GAR1: variants seen among roughly 807,000 people sequenced by gnomAD.
GAR1 encodes the protein H/ACA ribonucleoprotein complex subunit 1.
GAR1 carries 11 observed loss-of-function variants against 29.3 expected under a neutral mutation model. The observed-to-expected ratio is 0.38, with a 90% confidence interval of 0.24 to 0.62. The LOEUF (loss-of-function observed/expected upper bound fraction) is 0.62. Ranked by LOEUF, GAR1 falls within the 20% of genes least tolerant of loss-of-function variation. GAR1 has a pLI of 0.62. For synonymous variants in GAR1, 87 were observed against 93.3 expected (o/e 0.93, Z 0.39); for missense variants, 237 against 268.4 (o/e 0.88, Z 0.82).
intron 4 of GAR1, among the ~76,000 whole-genome samples, chr4:109,820,422 G>A (rs368481049): frequency 6.6e-6 from 1 of 152,060 alleles, no homozygotes; most frequent in Non-Finnish European, 1.5e-5. Context: ...GTCTAGACTG[G>A]AAATAGAATT....
chr4:109,824,353 T>C, intron 6 of GAR1, 65 bp from the exon 7 acceptor site: 1 of 1,072,566 alleles, frequency 9.3e-7, no homozygotes, highest in Non-Finnish European at 1.4e-6. Context: ...ACTTGAGATT[T>C]AGGTTATAAT....
intron 2 of GAR1, among the ~76,000 whole-genome samples, chr4:109,817,568 T>A (rs1279869133): frequency 1.3e-5 from 2 of 152,216 alleles, no homozygotes; most frequent in Non-Finnish European, 2.9e-5. Context: ...TAAGTTGTAA[T>A]AACATAACTG....
chr4:109,815,737 A>G (rs1733328582), upstream of GAR1: 3 of 180,522 alleles, frequency 1.7e-5, no homozygotes, highest in South Asian at 3.6e-4. Flanking sequence ...AGGAGGTTCC[A>G]GCGCGGCGGA....
chr4:109,817,818 C>G, intron 2 of GAR1, 118 bp from the exon 3 acceptor site: 1 of 729,826 alleles, frequency 1.4e-6, no homozygotes, highest in Non-Finnish European at 2.3e-6. Flanking sequence ...GGTCTTCTGC[C>G]TCAGAGGAGA....
intron 2 of GAR1, 97 bp from the exon 3 acceptor site, chr4:109,817,839 T>A (rs1177120575): frequency 3.2e-6 from 3 of 930,942 alleles, no homozygotes; most frequent in Non-Finnish European, 5.0e-6. Context: ...GCAGTTATGG[T>A]GAAGTCCCAG....
In GAR1 at chr4:109,819,042, CT is replaced by C; in HGVS notation, c.414del (p.Phe138LeufsTer9). ...KLSENMKASS[F>X]KKLQKFYIDP... ...TGTCAGAAAACATGAAGGCTTCATC[CT>C]TTAAAAAACTACAGAAGGTGAGTCA... On this transcript the variant is annotated frameshift_variant, in exon 4 of 7. Coordinates refer to ENST00000226796, the MANE Select transcript of GAR1 (RefSeq NM_018983.4). LOFTEE classifies it high-confidence loss of function. 1 of 1,494,622 alleles carries C rather than the reference CT, an allele frequency of 6.7e-7. No homozygotes were observed. Among genetic ancestry groups the C allele is most frequent in the Non-Finnish European group, 9.3e-7 (1 of 1,073,452 alleles). The allele number at this position is 1,494,622 out of a possible 1,614,324, so 92.6% of individuals were successfully genotyped here. A position where few individuals can be genotyped will look rare whatever the true frequency, so the allele number is the denominator to read the frequency against.
At chr4:109,822,678 T>C (rs1407105775) in intron 5 of GAR1, 190 bp downstream of exon 5, 1 of 512,058 alleles carries the variant, frequency 2.0e-6, no homozygotes, top group Non-Finnish European at 3.2e-6. Flanking sequence ...AAGAAGAAAA[T>C]CTACTAAAGT....
At chr4:109,817,898 A>G (rs1733397389) in intron 2 of GAR1, 38 bp from the exon 3 acceptor site, 4 of 1,555,484 alleles carry the variant, frequency 2.6e-6, no homozygotes, top group African/African-American at 1.4e-5. Flanking sequence ...ATCGTTTGAA[A>G]TAGTTCTATG....
chr4:109,817,225 T>C (rs1733378998), intron 2 of GAR1, among the ~76,000 whole-genome samples: 1 of 152,044 alleles, frequency 6.6e-6, no homozygotes. Flanking sequence ...AAGGGTTAGA[T>C]AGGAGAGAGA....
intron 1 of GAR1, 140 bp from the exon 2 acceptor site, chr4:109,816,013 G>A: frequency 2.5e-6 from 2 of 811,196 alleles, no homozygotes; most frequent in East Asian, 4.8e-5. Context: ...CAGGTTGGTG[G>A]TCACTGGCTG....
Position 109,816,469 on chromosome 4 carries a change from C to A in GAR1, c.214+91C>A, listed in dbSNP as rs1176955167. ...GGCAGCAAGTTTGGGATACACAAGCCTGTGTGGAGAATGTAGCATGTAAGG... is the reference window on the plus strand; with the variant it reads ...GGCAGCAAGTTTGGGATACACAAGCATGTGTGGAGAATGTAGCATGTAAGG... On this transcript the variant is annotated intron_variant, in intron 2 of 6. Coordinates refer to ENST00000226796, the MANE Select transcript of GAR1 (RefSeq NM_018983.4). The A allele has an allele frequency of 2.1e-5, 25 of 1,199,528 alleles. No individual in the cohort carries two copies. In the East Asian group the frequency reaches 5.6e-4, roughly 27 times the overall value. The allele number at this position is 1,199,528 out of a possible 1,614,324, so 74.3% of individuals were successfully genotyped here.
intron 1 of GAR1, 27 bp downstream of exon 1, chr4:109,815,831 T>A: frequency 9.4e-6 from 3 of 319,856 alleles, no homozygotes; most frequent in Non-Finnish European, 1.7e-5. Context: ...GCCGGAGGAT[T>A]TGAAAATGCT....
At chr4:109,823,109 G>C (rs530140661) in intron 5 of GAR1, among the ~76,000 whole-genome samples, 1 of 152,252 alleles carries the variant, frequency 6.6e-6, no homozygotes, top group African/African-American at 2.4e-5. Flanking sequence ...TTCCCCTAAG[G>C]TTTGGGCACA....
chr4:109,822,702 ACTT>A (rs1378415368), intron 5 of GAR1: 2 of 415,820 alleles, frequency 4.8e-6, no homozygotes, highest in Non-Finnish European at 8.3e-6. Context: ...CTTTTGAGGG[ACTT>A]CATTTCTTTG....
upstream of GAR1, chr4:109,815,537 C>T (rs1008531564): frequency 5.9e-5 from 9 of 153,644 alleles, no homozygotes; most frequent in Admixed American, 5.8e-4. Context: ...TTCCACGGCT[C>T]AGCGTCAGGC....
chr4:109,816,385 A>G lies in GAR1; in HGVS notation c.214+7A>G, dbSNP rs1198505692. On this transcript the variant is annotated splice_region_variant and intron_variant, in intron 2 of 6. Coordinates refer to ENST00000226796, the MANE Select transcript of GAR1 (RefSeq NM_018983.4). ...CCTCCAGAACGTGTAGTCTGTATGC[A>G]GTCTTCAGTATTTAGCTTATTTGAA... 1.2e-6 allele frequency: 2 copies of G among 1,612,630 alleles called. No individual in the cohort carries two copies. Among genetic ancestry groups the G allele is most frequent in the Non-Finnish European group, 1.7e-6 (2 of 1,178,964 alleles).
At position 109,823,765 on chromosome 4, in the gene GAR1, A is replaced by G. The variant is rs111989025; in HGVS notation, c.572-200A>G. Among the ~76,000 whole-genome samples the G allele has an allele frequency of 2.9e-4, 44 of 152,298 alleles. 1 individual carries two copies. Among genetic ancestry groups the G allele is most frequent in the African/African-American group, 1.0e-3 (42 of 41,566 alleles). ...CCTGTTGCCCAGTTGGTAAACTACT[A>G]CAGTTTCTCCATTTTTATCTTCTAA... On this transcript the variant is annotated intron_variant, in intron 5 of 6. Coordinates refer to ENST00000226796, the MANE Select transcript of GAR1 (RefSeq NM_018983.4).
At chr4:109,824,369 T>G in intron 6 of GAR1, 49 bp from the exon 7 acceptor site, 1 of 1,327,612 alleles carries the variant, frequency 7.5e-7, no homozygotes, top group Admixed American at 1.7e-5. Context: ...ATAATACTAT[T>G]AAAAATCCAT....
Position 109,824,415 on chromosome 4 carries a change from C to A in GAR1, c.641-3C>A. On this transcript the variant is annotated splice_polypyrimidine_tract_variant and splice_region_variant and intron_variant, in intron 6 of 6. Coordinates refer to ENST00000226796, the MANE Select transcript of GAR1 (RefSeq NM_018983.4). Reference sequence around the variant, plus strand: ...CTTAATACTTTAATTTTCTCTTAATCAGGGAGAGGACATTAAGTGAAACAG... The same window carrying A: ...CTTAATACTTTAATTTTCTCTTAATAAGGGAGAGGACATTAAGTGAAACAG... The A allele has an allele frequency of 1.3e-6, 2 of 1,581,850 alleles. No individual in the cohort carries two copies. The highest frequency in any genetic ancestry group is 8.7e-7 in the Non-Finnish European group (1 of 1,151,150).
Sources: gnomAD v4.1 joint callset for allele counts (sites outside exome capture counted in the v4.1 genomes callset) on GRCh38, gnomAD v4.1.1 for gene constraint, MANE v1.5 for transcripts, NCBI Gene and HGNC (gene_info 2026-07-23, HGNC 2026-07-21) for gene names.